SYT4: variants seen among roughly 807,000 people sequenced by gnomAD.
SYT4 encodes the protein synaptotagmin 4, also known as synaptotagmin-4.
Under a neutral mutation model 32.9 loss-of-function variants are expected in SYT4, and 7 were observed. That is an observed-to-expected ratio of 0.21 (90% CI 0.12 to 0.40). SYT4 has a LOEUF of 0.40. SYT4 is among the 10% of genes least tolerant of loss of function. The probability of loss-of-function intolerance (pLI) is 1.00; values close to 1 mark genes in which losing one functional copy is unlikely to be tolerated. For missense variants in SYT4, 480 were observed against 488.0 expected, an observed-to-expected ratio of 0.98 and a Z score of 0.16; for synonymous variants, 205 against 186.2, an observed-to-expected ratio of 1.10 and a Z score of -0.82.
rs1908725666 is a variant in SYT4, at chr18:43,274,341, C to G, written c.88G>C (p.Val30Leu). ...IFSAFGLVFT[V>L]SLFAWICCQR... ...CAGCAGATCCATGCAAAGAGAGAGA[C>G]TGTGAAGACCAGGCCAAATGCACTG... The change falls in exon 2 of 4, where the codon GTC (valine) becomes CTC (leucine). Residue 30 changes from valine to leucine, a missense_variant. By Grantham distance (32) the Val-to-Leu change is conservative (BLOSUM62 1). Coordinates refer to ENST00000255224, the MANE Select transcript of SYT4 (RefSeq NM_020783.4). 1 of 1,611,942 alleles carries G rather than the reference C, an allele frequency of 6.2e-7. No homozygotes were observed. The highest frequency in any genetic ancestry group is 8.5e-7 in the Non-Finnish European group (1 of 1,179,658).
intron 2 of SYT4, 177 bp from the exon 3 acceptor site, chr18:43,272,009 A>G (rs892638074): frequency 1.3e-5 from 7 of 547,694 alleles, no homozygotes; most frequent in African/African-American, 9.8e-5. Flanking sequence ...GCTGCTTGAA[A>G]AACCACTGCC....
chr18:43,275,010 C>T (rs1037485521), intron 1 of SYT4, among the ~76,000 whole-genome samples: 18 of 151,928 alleles, frequency 1.2e-4, no homozygotes, highest in Non-Finnish European at 1.8e-4. Context: ...AACAAGGTAC[C>T]GATATTTTGT....
intron 1 of SYT4, 58 bp from the exon 2 acceptor site, chr18:43,274,452 C>T (rs1908731444): frequency 2.1e-6 from 3 of 1,404,130 alleles, no homozygotes; most frequent in South Asian, 1.4e-5. Flanking sequence ...AGATATGAGC[C>T]TTTTGAAAAG....
intron 1 of SYT4, 29 bp from the exon 2 acceptor site, chr18:43,274,423 A>G (rs966978468): frequency 1.3e-6 from 2 of 1,524,584 alleles, no homozygotes; most frequent in African/African-American, 2.8e-5. Context: ...AATAATATAC[A>G]TTAAAGAAGC....
chr18:43,271,975 T>A, intron 2 of SYT4, 143 bp from the exon 3 acceptor site: 1 of 944,564 alleles, frequency 1.1e-6, no homozygotes, highest in South Asian at 2.1e-5. Context: ...GAAGAGTAAC[T>A]AAAAGCTTTT....
chr18:43,273,432 C>T, intron 2 of SYT4, 148 bp downstream of exon 2: 2 of 570,348 alleles, frequency 3.5e-6, no homozygotes, highest in Non-Finnish European at 6.0e-6. Flanking sequence ...GTTCTATTCC[C>T]TTGATCTCCA....
At chr18:43,277,050 T>G (rs577319841) in intron 1 of SYT4, among the ~76,000 whole-genome samples, 198 bp downstream of exon 1, 28 of 152,250 alleles carry the variant, frequency 1.8e-4, no homozygotes, top group African/African-American at 6.7e-4. Context: ...GAAGACAGTT[T>G]CAGGGAGAGA....
chr18:43,271,853 TA>T lies in SYT4; in HGVS notation c.850-22del, dbSNP rs745316215. 3.7e-6 allele frequency: 6 copies of T among 1,606,644 alleles called. No homozygotes were observed. In the South Asian group the frequency reaches 6.7e-5, roughly 18 times the overall value. On this transcript the variant is annotated intron_variant, in intron 2 of 3. Coordinates refer to ENST00000255224, the MANE Select transcript of SYT4 (RefSeq NM_020783.4). The stretch of plus-strand genomic sequence containing the variant: ...GACTTCTGCAGAAAGAGAAATGTGA[TA>T]TAAGTATTTCTATCTTTTTAACTTT...
rs1316533800 is a variant in SYT4, at chr18:43,273,654, T to C, written c.775A>G (p.Ile259Val). The C allele has an allele frequency of 1.9e-6, 3 of 1,613,784 alleles. No individual in the cohort carries two copies. The highest frequency in any genetic ancestry group is 2.7e-5 in the African/African-American group (2 of 74,934). Residue 259 changes from isoleucine (I) to valine (V), a missense_variant, in exon 2 of 4, where the codon ATT (isoleucine) becomes GTT (valine). Coordinates refer to ENST00000255224, the MANE Select transcript of SYT4 (RefSeq NM_020783.4). ...GATAATTCAATTCCCGAGAGAGGAA[T>C]TAGAACTTCCCCAATGATATCATCT... The part of the protein sequence containing the change: ...SRDDIIGEVL[I>V]PLSGIELSEG...
In SYT4 at chr18:43,273,812, A is replaced by G. The variant is rs1424101548; in HGVS notation, c.617T>C (p.Val206Ala). 1.9e-6 allele frequency: 3 copies of G among 1,613,892 alleles called. No individual in the cohort carries two copies. The highest frequency in any genetic ancestry group is 2.5e-6 in the Non-Finnish European group (3 of 1,179,944). The change falls in exon 2 of 4, where the codon GTG becomes GCG. Residue 206 changes from valine (V) to alanine (A), a missense_variant. Coordinates refer to ENST00000255224, the MANE Select transcript of SYT4 (RefSeq NM_020783.4). ...GGTTTTTCTCAGCACTCTAGTTTTC[A>G]CTTTATGCTTCTTCTCTGGGAGGAT... The part of the protein sequence containing the change: ...MTILPEKKHK[V>A]KTRVLRKTLD...
chr18:43,271,999 G>T (rs1908644985), intron 2 of SYT4, 167 bp from the exon 3 acceptor site: 2 of 650,720 alleles, frequency 3.1e-6, no homozygotes, highest in Non-Finnish European at 4.5e-6. Context: ...CAGTACCATC[G>T]CTGCTTGAAA....
At chr18:43,276,064 A>C (rs1013391735) in intron 1 of SYT4, among the ~76,000 whole-genome samples, 1 of 152,212 alleles carries the variant, frequency 6.6e-6, no homozygotes, top group Non-Finnish European at 1.5e-5. Context: ...TCACTGGCAC[A>C]GTCTCTAAAA....
intron 1 of SYT4, among the ~76,000 whole-genome samples, chr18:43,276,622 C>G (rs1908801759): frequency 6.6e-6 from 1 of 152,186 alleles, no homozygotes; most frequent in Non-Finnish European, 1.5e-5. Context: ...CTTCCCTCAT[C>G]TCTCTGGGCT....
At position 43,270,537 on chromosome 18, in the gene SYT4, T is replaced by C. The variant is rs1908597866; in HGVS notation, c.1082A>G (p.Asp361Gly). ...ATCTTCAAGGCCCTCACAAGGAATA[T>C]CAAAGACAAACAGCTCATTGAACAC... The part of the protein sequence containing the change: ...NAVFNELFVF[D>G]IPCEGLEDIS... The change falls in exon 4 of 4, where the codon GAT becomes GGT. Residue 361 changes from aspartate (D) to glycine (G), a missense_variant. Coordinates refer to ENST00000255224, the MANE Select transcript of SYT4 (RefSeq NM_020783.4). 1.2e-6 allele frequency: 2 copies of C among 1,613,938 alleles called. No homozygotes were observed. The highest frequency in any genetic ancestry group is 1.7e-5 in the Admixed American group (1 of 59,986).
chr18:43,272,466 C>A (rs1381813562), intron 2 of SYT4, among the ~76,000 whole-genome samples: 1 of 152,092 alleles, frequency 6.6e-6, no homozygotes, highest in Non-Finnish European at 1.5e-5. Flanking sequence ...TGTTTTTGGA[C>A]AGTGTCATAG....
At position 43,277,273 on chromosome 18, in the gene SYT4, C is replaced by G. The variant is rs775671737; in HGVS notation, c.9G>C (p.Pro3=). The G allele has an allele frequency of 3.1e-6, 5 of 1,613,872 alleles. No individual in the cohort carries two copies. Among genetic ancestry groups the G allele is most frequent in the African/African-American group, 1.3e-5 (1 of 74,904 alleles). ...CAAATTCTTCCCGGCTGGTGGTGATCGGAGCCATTTTTTACTGCGTGTTCT... is the reference window on the plus strand; with the variant it reads ...CAAATTCTTCCCGGCTGGTGGTGATGGGAGCCATTTTTTACTGCGTGTTCT... MA[P]ITTSREEFDE... The change falls in exon 1 of 4, where the codon CCG becomes CCC. Residue 3 remains proline, a synonymous_variant. Coordinates refer to ENST00000255224, the MANE Select transcript of SYT4 (RefSeq NM_020783.4).
Position 43,274,355 on chromosome 18 carries a change from C to T in SYT4, c.74G>A (p.Gly25Asp). ...PTVVGIFSAF[G>D]LVFTVSLFAW... ...AAAGAGAGAGACTGTGAAGACCAGG[C>T]CAAATGCACTGAAGATCCCCACCAC... The change falls in exon 2 of 4, where the codon GGC (glycine) becomes GAC (aspartate). Residue 25 changes from glycine to aspartate, a missense_variant. By Grantham distance (94) the Gly-to-Asp change is moderately conservative (BLOSUM62 -1). Transcript: ENST00000255224. The T allele has an allele frequency of 6.2e-7, 1 of 1,609,374 alleles. No homozygotes were observed. Among genetic ancestry groups the T allele is most frequent in the Non-Finnish European group, 8.5e-7 (1 of 1,179,206 alleles).
chr18:43,276,527 T>G (rs1343198648), intron 1 of SYT4, among the ~76,000 whole-genome samples: 3 of 152,164 alleles, frequency 2.0e-5, no homozygotes, highest in Admixed American at 2.0e-4. Context: ...AAAAACTTGG[T>G]GTGAGAAAAG....
At position 43,274,155 on chromosome 18, in the gene SYT4, A is replaced by G. The variant is rs1317041351; in HGVS notation, c.274T>C (p.Leu92=). ...KNKPAVPKNS[L]HLDLEKRDLN... is the part of the protein sequence containing the mutation. ...TCTCTCTTTTCAAGATCCAGATGCAATGAATTCTTTGGCACAGCTGGCTTA... is the reference window on the plus strand; with the variant it reads ...TCTCTCTTTTCAAGATCCAGATGCAGTGAATTCTTTGGCACAGCTGGCTTA... Residue 92 remains leucine (L), a synonymous_variant, in exon 2 of 4, where the codon TTG becomes CTG. Transcript: ENST00000255224. 1.2e-6 allele frequency: 2 copies of G among 1,613,988 alleles called. No individual in the cohort carries two copies. The highest frequency in any genetic ancestry group is 1.7e-6 in the Non-Finnish European group (2 of 1,179,972).
Sources: gnomAD v4.1 joint callset for allele counts (sites outside exome capture counted in the v4.1 genomes callset) on GRCh38, gnomAD v4.1.1 for gene constraint, MANE v1.5 for transcripts, NCBI Gene and HGNC (gene_info 2026-07-23, HGNC 2026-07-21) for gene names.